RBFOX1: variants seen among roughly 807,000 people sequenced by gnomAD.
The protein encoded by RBFOX1 is RNA binding fox-1 homolog 1, also known as RNA binding protein fox-1 homolog 1.
A neutral mutation model predicts 57.7 loss-of-function variants in RBFOX1; 8 were observed. That is an observed-to-expected ratio of 0.14 (90% CI 0.08 to 0.25). The LOEUF is 0.25. RBFOX1 is among the 10% of genes least tolerant of loss of function. The pLI, the probability that RBFOX1 is intolerant of heterozygous loss-of-function variation, is 1.00. For missense variants in RBFOX1, 611 were observed against 548.5 expected (o/e 1.11, Z -1.14); for synonymous variants, 326 against 222.4 (o/e 1.47, Z -4.15).
chr16:7,090,222 G>C (rs1483549197), intron 4 of RBFOX1, among the ~76,000 whole-genome samples: 1 of 152,148 alleles, frequency 6.6e-6, no homozygotes, highest in African/African-American at 2.4e-5. Context: ...AAGAGACAAG[G>C]AGAGACAATA....
intron 2 of RBFOX1, among the ~76,000 whole-genome samples, chr16:6,425,934 T>G (rs2093913073): frequency 6.6e-6 from 1 of 152,136 alleles, no homozygotes; most frequent in South Asian, 2.1e-4. Flanking sequence ...CCATGCCTAT[T>G]AAGCAACCCC....
intron 3 of RBFOX1, among the ~76,000 whole-genome samples, chr16:5,748,328 A>T (rs996501662): frequency 8.6e-5 from 13 of 151,876 alleles, no homozygotes; most frequent in African/African-American, 3.1e-4. Flanking sequence ...GTGTGATGTG[A>T]TGCTGAGAAG....
At chr16:5,955,088 C>T (rs2152280890) in intron 4 of RBFOX1, among the ~76,000 whole-genome samples, 1 of 119,954 alleles carries the variant, frequency 8.3e-6, no homozygotes, top group South Asian at 2.8e-4. Flanking sequence ...CAAGACCAGC[C>T]TGGGCAACAG....
rs950557678 is a variant in RBFOX1 at position 5,946,459 on chromosome 16, A to T, written c.351+79124A>T. On this transcript the variant is annotated intron_variant, in intron 4 of 19. Transcript: ENST00000641259. The surrounding 1 kb of genome is among the most constrained non-coding windows in gnomAD (Gnocchi z 4.6). ...CAGAGCCATGAACAGCTCAGCCAAG[A>T]TCTCTGCTCTCATGGAATGGGAGTG... is the stretch of plus-strand genomic sequence containing the variant. Among the ~76,000 whole-genome samples the T allele has an allele frequency of 6.6e-6, 1 of 152,032 alleles. No homozygotes were observed. The highest frequency in any genetic ancestry group is 6.6e-5 in the Admixed American group (1 of 15,262).
intron 2 of RBFOX1, among the ~76,000 whole-genome samples, chr16:6,575,221 T>C (rs1452656694): frequency 1.3e-5 from 2 of 152,168 alleles, no homozygotes; most frequent in Non-Finnish European, 2.9e-5. Context: ...CTGTGTCATA[T>C]CATAACTCTG....
chr16:7,560,536 A>AG (rs2090072438), intron 5 of RBFOX1, among the ~76,000 whole-genome samples: 1 of 151,804 alleles, frequency 6.6e-6, no homozygotes, highest in East Asian at 1.9e-4. Flanking sequence ...GAGTATCAAA[A>AG]AAAAAAAAAA....
At chr16:5,246,632 C>G (rs1431156976) in intron 1 of RBFOX1, among the ~76,000 whole-genome samples, 1 of 152,070 alleles carries the variant, frequency 6.6e-6, no homozygotes, top group Non-Finnish European at 1.5e-5. Flanking sequence ...AACCATCATT[C>G]TACTCTGCTT....
intron 2 of RBFOX1, among the ~76,000 whole-genome samples, chr16:6,507,756 G>T (rs74658472): frequency 0.01 from 1,581 of 152,078 alleles, 20 homozygotes; most frequent in African/African-American, 0.027. Flanking sequence ...CTTATATAAA[G>T]TATCTAAAGT....
intron 1 of RBFOX1, among the ~76,000 whole-genome samples, chr16:5,360,891 AG>A (rs1434997550): frequency 1.3e-5 from 2 of 152,192 alleles, no homozygotes; most frequent in Non-Finnish European, 2.9e-5. Flanking sequence ...CTTTCCCAGC[AG>A]CACAAGCACA....
At chr16:6,858,537 T>C (rs1603633151) in intron 3 of RBFOX1, among the ~76,000 whole-genome samples, 1 of 152,220 alleles carries the variant, frequency 6.6e-6, no homozygotes, top group Non-Finnish European at 1.5e-5. Flanking sequence ...TTGCTTGTTT[T>C]ACTTAGAATC....
intron 3 of RBFOX1, among the ~76,000 whole-genome samples, chr16:6,936,123 C>T (rs1050195244): frequency 1.3e-5 from 2 of 152,168 alleles, no homozygotes; most frequent in African/African-American, 4.8e-5. Context: ...GGGGGTTCAG[C>T]TTCTGTACAC....
intron 3 of RBFOX1, among the ~76,000 whole-genome samples, chr16:5,741,170 C>T (rs1034343668): frequency 2.2e-4 from 33 of 152,108 alleles, no homozygotes; most frequent in Non-Finnish European, 3.2e-4. Flanking sequence ...TCAACTTCCA[C>T]GAGCAGAGTC....
At chr16:5,706,301 G>A (rs2051245730) in intron 3 of RBFOX1, among the ~76,000 whole-genome samples, 1 of 152,184 alleles carries the variant, frequency 6.6e-6, no homozygotes, top group Non-Finnish European at 1.5e-5. Flanking sequence ...GTTTAAACAT[G>A]TTTCCTGATG....
chr16:7,168,448 G>C (rs536259273), intron 4 of RBFOX1, among the ~76,000 whole-genome samples: 4 of 152,132 alleles, frequency 2.6e-5, no homozygotes, highest in African/African-American at 9.7e-5. Context: ...GTGAATTCGT[G>C]AACCTCATTG....
intron 4 of RBFOX1, among the ~76,000 whole-genome samples, chr16:7,248,748 C>A (rs921803491): frequency 1.2e-4 from 19 of 152,128 alleles, no homozygotes; most frequent in African/African-American, 4.1e-4. Context: ...TTAGCATTAT[C>A]ATTAATTGAT....
intron 3 of RBFOX1, among the ~76,000 whole-genome samples, chr16:5,812,890 T>A (rs9936904): frequency 6.6e-6 from 1 of 152,038 alleles, no homozygotes; most frequent in Non-Finnish European, 1.5e-5. Context: ...ATGTGTGTAT[T>A]TTCTTTGGTG....
intron 14 of RBFOX1, among the ~76,000 whole-genome samples, chr16:7,690,381 A>G (rs1049605069): frequency 3.3e-5 from 5 of 152,144 alleles, no homozygotes; most frequent in Non-Finnish European, 7.4e-5. Flanking sequence ...GTTACCATTT[A>G]ATTGGTCTTC....
intron 1 of RBFOX1, among the ~76,000 whole-genome samples, chr16:6,214,584 G>T (rs2097320288): frequency 8.4e-6 from 1 of 119,582 alleles, no homozygotes; most frequent in South Asian, 3.4e-4. Flanking sequence ...AGGCAAAGTG[G>T]GAGAAGGAGG....
chr16:6,835,912 A>G (rs2093062425), intron 3 of RBFOX1, among the ~76,000 whole-genome samples: 1 of 152,150 alleles, frequency 6.6e-6, no homozygotes, highest in Admixed American at 6.6e-5. Context: ...AGAGAGGATC[A>G]TATGTGCTGA....
Sources: gnomAD v4.1 joint callset for allele counts (sites outside exome capture counted in the v4.1 genomes callset) on GRCh38, gnomAD v4.1.1 for gene constraint, Gnocchi (gnomAD v3.1) non-coding constraint, MANE v1.5 for transcripts, NCBI Gene and HGNC (gene_info 2026-07-23, HGNC 2026-07-21) for gene names.